RPA1: variants seen among roughly 807,000 people sequenced by gnomAD.
The protein encoded by RPA1 is replication protein A 70 kDa DNA-binding subunit.
RPA1 carries 49 observed loss-of-function variants against 83.0 expected under a neutral mutation model. The ratio of observed to expected loss-of-function variants is 0.59; its 90% CI spans 0.47 to 0.75. RPA1 has a LOEUF of 0.75. Ranked by LOEUF, RPA1 falls within the 30% of genes least tolerant of loss-of-function variation. The probability of loss-of-function intolerance (pLI) is 0.00; values close to 1 mark genes in which losing one functional copy is unlikely to be tolerated. For synonymous variants in RPA1, 279 were observed against 281.8 expected (o/e 0.99, Z 0.10); for missense variants, 693 against 776.1 (o/e 0.89, Z 1.27).
chr17:1,880,833 G>A, intron 12 of RPA1, 142 bp downstream of exon 12: 1 of 1,167,430 alleles, frequency 8.6e-7, no homozygotes, highest in African/African-American at 1.5e-5. Flanking sequence ...AAGGCATTAT[G>A]CCTTCTGTGA....
intron 6 of RPA1, among the ~76,000 whole-genome samples, chr17:1,874,917 G>A (rs947638101): frequency 3.3e-5 from 5 of 152,192 alleles, no homozygotes; most frequent in African/African-American, 7.2e-5. Context: ...TGATGTAGAG[G>A]GTATGAAATC....
intron 1 of RPA1, among the ~76,000 whole-genome samples, chr17:1,839,011 C>T (rs943769575): frequency 6.6e-6 from 1 of 151,958 alleles, no homozygotes; most frequent in Admixed American, 6.6e-5. Context: ...CCACCATGCC[C>T]GGCTAATTTT....
At chr17:1,861,829 T>C (rs1387478884) in intron 5 of RPA1, among the ~76,000 whole-genome samples, 1 of 151,936 alleles carries the variant, frequency 6.6e-6, no homozygotes, top group African/African-American at 2.4e-5. Flanking sequence ...ACTCAAGCAA[T>C]CCTCCTTGCC....
chr17:1,846,733 T>C (rs1257829860), intron 4 of RPA1, among the ~76,000 whole-genome samples: 1 of 152,212 alleles, frequency 6.6e-6, no homozygotes, highest in Non-Finnish European at 1.5e-5. Context: ...CTATTTCACT[T>C]ATTGAGTTCC....
At chr17:1,872,746 T>C (rs1913422676) in intron 6 of RPA1, among the ~76,000 whole-genome samples, 1 of 145,520 alleles carries the variant, frequency 6.9e-6, no homozygotes, top group Non-Finnish European at 1.5e-5. Context: ...AGGGTCTTGC[T>C]CTGTCAGCGG....
At chr17:1,895,658 A>AGTAT (rs1339016377) in intron 16 of RPA1, among the ~76,000 whole-genome samples, 41 of 49,762 alleles carry the variant, frequency 8.2e-4, no homozygotes, top group African/African-American at 1.9e-3. Flanking sequence ...AATACCATAT[A>AGTAT]GTATTTATTT....
intron 2 of RPA1, 139 bp downstream of exon 2, chr17:1,842,992 T>C: frequency 2.6e-6 from 2 of 782,964 alleles, no homozygotes; most frequent in East Asian, 5.3e-5. Flanking sequence ...CAGTCTACAT[T>C]GTAACCCTGA....
intron 15 of RPA1, among the ~76,000 whole-genome samples, chr17:1,893,356 C>T (rs147006385): frequency 4.4e-4 from 67 of 152,374 alleles, no homozygotes; most frequent in African/African-American, 1.5e-3. Context: ...TCGCACTCCA[C>T]GCCCCTCATC....
chr17:1,879,133 G>A (rs1423182203), intron 9 of RPA1, 72 bp downstream of exon 9: 1 of 1,610,524 alleles, frequency 6.2e-7, no homozygotes, highest in Admixed American at 1.7e-5. Context: ...CTGGCCCAGG[G>A]GAGGGGTGTG....
intron 1 of RPA1, among the ~76,000 whole-genome samples, chr17:1,841,858 A>G (rs1368151686): frequency 1.3e-5 from 2 of 152,088 alleles, no homozygotes; most frequent in Non-Finnish European, 2.9e-5. Context: ...TTCCGTATCT[A>G]TTCAGTTGAT....
chr17:1,878,805 G>T (rs1173933906), intron 8 of RPA1, among the ~76,000 whole-genome samples, 188 bp from the exon 9 acceptor site: 1 of 152,186 alleles, frequency 6.6e-6, no homozygotes, highest in Admixed American at 6.5e-5. Flanking sequence ...TGACTTCAGT[G>T]TGTGACTGTA....
intron 16 of RPA1, among the ~76,000 whole-genome samples, chr17:1,895,745 C>T (rs113811844): frequency 2.1e-3 from 312 of 151,570 alleles, no homozygotes; most frequent in Non-Finnish European, 3.5e-3. Context: ...TGCAGTGGGA[C>T]GATCTTGGCT....
chr17:1,857,267 C>CT (rs35514214), intron 5 of RPA1, among the ~76,000 whole-genome samples: 64,401 of 134,740 alleles, frequency 0.48, 15,603 homozygotes, highest in African/African-American at 0.64. Context: ...TTTTCTTTTT[C>CT]TTTTTTTTTT....
chr17:1,897,189 A>T lies in RPA1; in HGVS notation c.*14A>T. The T allele has an allele frequency of 6.5e-7, 1 of 1,535,750 alleles. No individual in the cohort carries two copies. ...GCATTGATGTGAGAGGAGCAGTGCC[A>T]ATCGGGCAGAAGTTTGCAAATAGGC... is the stretch of plus-strand genomic sequence containing the variant. On this transcript the variant is annotated 3_prime_UTR_variant, in exon 17 of 17. Transcript: ENST00000254719.
intron 1 of RPA1, among the ~76,000 whole-genome samples, chr17:1,842,058 G>A (rs533982869): frequency 6.6e-6 from 1 of 152,060 alleles, no homozygotes; most frequent in African/African-American, 2.4e-5. Flanking sequence ...GTCTCGCTAT[G>A]TTGCTTAGGC....
At position 1,885,927 on chromosome 17, in the gene RPA1, CAA is replaced by C. The variant is rs760043408; in HGVS notation, c.1374+1984_1374+1985del. ...TAGATGTTGTTATCAAGCATGAAAA[CAA>C]TATTAATCTCCTTGTTCTGTGCATC... On this transcript the variant is annotated intron_variant, in intron 13 of 16. Transcript: ENST00000254719. 3.2e-4 allele frequency among the ~76,000 whole-genome samples: 49 copies of C among 152,172 alleles called. 1 individual carries two copies. The highest frequency in any genetic ancestry group is 5.9e-4 in the Non-Finnish European group (40 of 68,038).
At chr17:1,892,011 AT>A (rs879384202) in intron 15 of RPA1, 71 bp downstream of exon 15, 113,531 of 799,034 alleles carry the variant, frequency 0.14, no homozygotes, top group East Asian at 0.19. Context: ...GACCCCACAC[AT>A]TTTTTTTTTT....
chr17:1,881,638 C>T (rs1366893881), intron 12 of RPA1, among the ~76,000 whole-genome samples: 1 of 152,142 alleles, frequency 6.6e-6, no homozygotes, highest in Non-Finnish European at 1.5e-5. Context: ...AGTTCGACTC[C>T]AGGTTAATTG....
At chr17:1,889,038 T>A (rs1914104766) in intron 14 of RPA1, among the ~76,000 whole-genome samples, 187 bp downstream of exon 14, 1 of 152,186 alleles carries the variant, frequency 6.6e-6, no homozygotes, top group Admixed American at 6.5e-5. Context: ...CCCAGCTGAT[T>A]CAGTCTTTCA....
Sources: allele counts gnomAD v4.1 joint callset (sites outside exome capture counted in the v4.1 genomes callset), GRCh38; gene constraint gnomAD v4.1.1; transcripts MANE v1.5; gene names NCBI Gene and HGNC (gene_info 2026-07-23, HGNC 2026-07-21).